ADGB: variants seen among roughly 807,000 people sequenced by gnomAD.
ADGB encodes androglobin, also known as calpain-7-like protein.
ADGB carries 172 observed loss-of-function variants against 210.5 expected under a neutral mutation model. The observed-to-expected ratio is 0.82, with a 90% CI of 0.72 to 0.93. ADGB has a LOEUF of 0.93. Among genes scored for constraint, ADGB ranks in the 40% least tolerant of loss-of-function variants. The pLI is 0.00. For missense variants in ADGB, 2,025 were observed against 1,964.8 expected (o/e 1.03, Z -0.58); for synonymous variants, 658 against 662.7 (o/e 0.99, Z 0.11).
chr6:146,614,190 TCCC>T (rs1780752470), intron 1 of ADGB, among the ~76,000 whole-genome samples: 8 of 93,008 alleles, frequency 8.6e-5, no homozygotes, highest in South Asian at 4.4e-4. Flanking sequence ...CCTCCCTCCC[TCCC>T]TCCCTCCCTT....
chr6:146,730,754 C>T (rs1456011314), intron 20 of ADGB, among the ~76,000 whole-genome samples: 2 of 152,100 alleles, frequency 1.3e-5, no homozygotes, highest in East Asian at 1.9e-4. Flanking sequence ...TACTGGCCAA[C>T]GTGGTGAAAC....
At chr6:146,731,251 G>T (rs560628605) in intron 20 of ADGB, among the ~76,000 whole-genome samples, 1 of 152,062 alleles carries the variant, frequency 6.6e-6, no homozygotes, top group East Asian at 1.9e-4. Context: ...TGTAGAACAA[G>T]TCTGATAGTG....
chr6:146,628,797 C>T (rs899603552), intron 1 of ADGB, among the ~76,000 whole-genome samples: 2 of 151,732 alleles, frequency 1.3e-5, no homozygotes, highest in African/African-American at 4.9e-5. Context: ...ACAATGTCCC[C>T]CTCTTTATCA....
chr6:146,784,814 C>A lies in ADGB; in HGVS notation c.4212+20C>A. The A allele has an allele frequency of 1.3e-6, 2 of 1,536,792 alleles. No homozygotes were observed. The highest frequency in any genetic ancestry group is 8.8e-7 in the Non-Finnish European group (1 of 1,140,804). ...ATCAAGGTCACCTGATTTCGAAAAG[C>A]TGTCATCTTTTACTTTTCCTCCTTA... is the stretch of plus-strand genomic sequence containing the variant. On this transcript the variant is annotated intron_variant, in intron 31 of 35. Coordinates refer to ENST00000397944, the MANE Select transcript of ADGB (RefSeq NM_024694.4).
chr6:146,617,611 T>G (rs766560704), intron 1 of ADGB, among the ~76,000 whole-genome samples: 60 of 152,148 alleles, frequency 3.9e-4, no homozygotes, highest in Non-Finnish European at 5.2e-4. Context: ...TTCAGGTATA[T>G]TCCTTCTATG....
chr6:146,616,407 T>C (rs1319045086), intron 1 of ADGB, among the ~76,000 whole-genome samples: 2 of 152,130 alleles, frequency 1.3e-5, no homozygotes, highest in African/African-American at 4.8e-5. Flanking sequence ...TCTTGTACTG[T>C]GCAGCAGCTT....
At chr6:146,771,396 T>C (rs958604956) in intron 29 of ADGB, among the ~76,000 whole-genome samples, 17 of 152,036 alleles carry the variant, frequency 1.1e-4, no homozygotes, top group Admixed American at 1.0e-3. Context: ...AAAAAATCAG[T>C]TGTTTATGTT....
In ADGB at chr6:146,656,779, A is replaced by G; in HGVS notation, c.411A>G (p.Arg137=). 1.3e-6 allele frequency: 2 copies of G among 1,532,446 alleles called. No homozygotes were observed. Among genetic ancestry groups the G allele is most frequent in the Admixed American group, 2.1e-5 (1 of 48,220 alleles). The allele number at this position is 1,532,446 out of a possible 1,614,324, so 94.9% of individuals were successfully genotyped here. A position where few individuals can be genotyped will look rare whatever the true frequency, so the allele number is the denominator to read the frequency against. The part of the protein sequence containing the change: ...NEHLLCSELM[R]WIISEIYAVW... Reference sequence around the variant, plus strand: ...ATGTTTTTTATCTCTAGCTGATGAGATGGATTATCAGTGAAATCTATGCAG... The same window carrying G: ...ATGTTTTTTATCTCTAGCTGATGAGGTGGATTATCAGTGAAATCTATGCAG... Residue 137 remains arginine, a synonymous_variant, in exon 5 of 36, where the codon AGA becomes AGG. Transcript: ENST00000397944.
chr6:146,798,884 G>A lies in ADGB; in HGVS notation c.4538-2299G>A, dbSNP rs182047303. 2.0e-5 allele frequency among the ~76,000 whole-genome samples: 3 copies of A among 151,742 alleles called. No individual in the cohort carries two copies. In the East Asian group the frequency reaches 5.8e-4, roughly 29 times the overall value. ...TTGAAAACTACAAAACATCACCAAAGGAAATTTTAAATTATCTAAATATAG... is the reference window on the plus strand; with the variant it reads ...TTGAAAACTACAAAACATCACCAAAAGAAATTTTAAATTATCTAAATATAG... On this transcript the variant is annotated intron_variant, in intron 33 of 35. Coordinates refer to ENST00000397944, the MANE Select transcript of ADGB (RefSeq NM_024694.4).
At chr6:146,616,686 G>C (rs988164132) in intron 1 of ADGB, among the ~76,000 whole-genome samples, 1 of 152,016 alleles carries the variant, frequency 6.6e-6, no homozygotes, top group African/African-American at 2.4e-5. Context: ...TAAAAAGACT[G>C]TTCTTTCCCT....
chr6:146,668,995 C>T (rs1172813496), intron 7 of ADGB, among the ~76,000 whole-genome samples: 3 of 151,976 alleles, frequency 2.0e-5, no homozygotes, highest in South Asian at 2.1e-4. Flanking sequence ...GGTCTCATTC[C>T]GTGGTGTTTG....
rs1447677072 is a variant in ADGB, at chr6:146,793,703, AC to A, written c.4537+5096del. On this transcript the variant is annotated intron_variant, in intron 33 of 35. Transcript: ENST00000397944. ...AACTAGAAAGGGGAGAAGCCATGTCACCCAACTCCAGAAGTTGGTATAAGAG... is the reference window on the plus strand; with the variant it reads ...AACTAGAAAGGGGAGAAGCCATGTCACCAACTCCAGAAGTTGGTATAAGAG... Among the ~76,000 whole-genome samples, 3 of 152,322 alleles carry A rather than the reference AC, an allele frequency of 2.0e-5. No individual in the cohort carries two copies. The East Asian group carries it at 5.8e-4, about 29-fold the overall frequency.
At chr6:146,716,308 AGGGCCGGGCGCGGTGGCTC>A (rs1776732270) in intron 14 of ADGB, among the ~76,000 whole-genome samples, 1 of 148,138 alleles carries the variant, frequency 6.8e-6, no homozygotes, top group African/African-American at 2.7e-5. Flanking sequence ...AGAATCTGTG[AGGGCCGGGCGCGGTGGCTC>A]ACGCCTGTAA....
chr6:146,754,187 A>G (rs1031894931), intron 27 of ADGB, among the ~76,000 whole-genome samples: 1 of 151,318 alleles, frequency 6.6e-6, no homozygotes, highest in African/African-American at 2.4e-5. Context: ...AAATTTGCAT[A>G]AAGGATTTTT....
intron 1 of ADGB, among the ~76,000 whole-genome samples, chr6:146,625,556 A>G (rs1370207919): frequency 6.6e-6 from 1 of 152,126 alleles, no homozygotes; most frequent in Non-Finnish European, 1.5e-5. Context: ...TGTGAGTTTC[A>G]TGGTGCCTTC....
intron 25 of ADGB, among the ~76,000 whole-genome samples, chr6:146,742,329 A>G (rs1253349497): frequency 6.6e-6 from 1 of 151,788 alleles, no homozygotes; most frequent in Non-Finnish European, 1.5e-5. Flanking sequence ...AACCCTTAGC[A>G]TATTTTTCTA....
chr6:146,610,432 A>G (rs1397086749), intron 1 of ADGB, among the ~76,000 whole-genome samples: 1 of 152,158 alleles, frequency 6.6e-6, no homozygotes, highest in Non-Finnish European at 1.5e-5. Context: ...TATAATTGCT[A>G]CAGTTCCTGT....
At chr6:146,610,212 T>C (rs1279131161) in intron 1 of ADGB, among the ~76,000 whole-genome samples, 2 of 152,224 alleles carry the variant, frequency 1.3e-5, no homozygotes, top group African/African-American at 4.8e-5. Context: ...TTCCTTAAAA[T>C]GGCTATTTCA....
chr6:146,674,210 G>T (rs1776053785), intron 8 of ADGB, among the ~76,000 whole-genome samples: 1 of 152,180 alleles, frequency 6.6e-6, no homozygotes, highest in Non-Finnish European at 1.5e-5. Flanking sequence ...AGGGGAGTAA[G>T]AAGGAAGTGG....
Sources: allele counts gnomAD v4.1 joint callset (sites outside exome capture counted in the v4.1 genomes callset), GRCh38; gene constraint gnomAD v4.1.1; transcripts MANE v1.5; gene names NCBI Gene and HGNC (gene_info 2026-07-23, HGNC 2026-07-21).